FMNL2: variants seen among roughly 807,000 people sequenced by gnomAD.
FMNL2 encodes formin like 2, also known as formin-like protein 2.
FMNL2 carries 51 observed loss-of-function variants against 130.2 expected under a neutral mutation model. The ratio of observed to expected loss-of-function variants is 0.39; its 90% CI spans 0.31 to 0.49. The LOEUF is 0.49. Ranked by LOEUF, FMNL2 falls within the 20% of genes least tolerant of loss-of-function variation. The pLI is 0.85. For synonymous variants in FMNL2, 465 were observed against 467.1 expected (o/e 1.00, Z 0.06); for missense variants, 977 against 1,316.2 (o/e 0.74, Z 3.99).
At chr2:152,413,699 A>G (rs779391206) in intron 1 of FMNL2, among the ~76,000 whole-genome samples, 1 of 152,254 alleles carries the variant, frequency 6.6e-6, no homozygotes, top group African/African-American at 2.4e-5. Context: ...TAGCCCTAAC[A>G]GGGAGGAACA....
chr2:152,543,268 C>T (rs1184629730), intron 3 of FMNL2, among the ~76,000 whole-genome samples: 2 of 151,750 alleles, frequency 1.3e-5, no homozygotes, highest in South Asian at 2.1e-4. Context: ...CCCCCCTACT[C>T]CCCCCAACCC....
chr2:152,349,858 G>T (rs924526189), intron 1 of FMNL2, among the ~76,000 whole-genome samples: 1 of 151,012 alleles, frequency 6.6e-6, no homozygotes, highest in Non-Finnish European at 1.5e-5. Flanking sequence ...GTGCATTTTT[G>T]CTCCTTTGGT....
At chr2:152,407,121 G>A (rs1281957198) in intron 1 of FMNL2, among the ~76,000 whole-genome samples, 2 of 152,010 alleles carry the variant, frequency 1.3e-5, no homozygotes, top group African/African-American at 2.4e-5. Flanking sequence ...TAATTAATGA[G>A]TGTTTGTCAT....
chr2:152,636,601 G>C lies in FMNL2; in HGVS notation c.2844+11G>C. Reference sequence around the variant, plus strand: ...GCCAAGATCGCACAGGCAAGTATTGGTGCCCCTGAAACCTGTGAAGAGGCT... The same window carrying C: ...GCCAAGATCGCACAGGCAAGTATTGCTGCCCCTGAAACCTGTGAAGAGGCT... On this transcript the variant is annotated intron_variant, in intron 22 of 25. Transcript: ENST00000288670. 4 of 1,553,478 alleles carry C rather than the reference G, an allele frequency of 2.6e-6. No individual in the cohort carries two copies. The highest frequency in any genetic ancestry group is 3.5e-6 in the Non-Finnish European group (4 of 1,148,312).
chr2:152,593,900 T>TGA (rs1558992128), intron 9 of FMNL2, among the ~76,000 whole-genome samples: 86 of 80,844 alleles, frequency 1.1e-3, no homozygotes, highest in African/African-American at 3.7e-3. Context: ...TGTGTGTGTG[T>TGA]GTGAGAGAGA....
rs146158488 is a variant in FMNL2 at position 152,557,871 on chromosome 2, T to C, written c.360-869T>C. ...CGATAGTAGTAGATCTTTTAACTTA[T>C]TATTTGTTGGAGTTTGAAACTTAGT... On this transcript the variant is annotated intron_variant, in intron 4 of 25. Coordinates refer to ENST00000288670, the MANE Select transcript of FMNL2 (RefSeq NM_052905.4). Among the ~76,000 whole-genome samples the C allele has an allele frequency of 6.1e-3, 936 of 152,290 alleles. 10 individuals carry two copies. Among genetic ancestry groups the C allele is most frequent in the African/African-American group, 0.021 (890 of 41,562 alleles).
At chr2:152,402,696 G>A (rs1024761822) in intron 1 of FMNL2, among the ~76,000 whole-genome samples, 1 of 152,084 alleles carries the variant, frequency 6.6e-6, no homozygotes, top group Non-Finnish European at 1.5e-5. Flanking sequence ...TTTTGTTGTA[G>A]TATAGTTTCA....
At chr2:152,541,389 G>A (rs761597836) in intron 2 of FMNL2, among the ~76,000 whole-genome samples, 8 of 152,188 alleles carry the variant, frequency 5.3e-5, no homozygotes, top group Non-Finnish European at 1.2e-4. Flanking sequence ...ATTTCTTGAT[G>A]AATCTTTATT....
intron 1 of FMNL2, among the ~76,000 whole-genome samples, chr2:152,486,186 G>C (rs1690819931): frequency 6.6e-6 from 1 of 152,144 alleles, no homozygotes; most frequent in Admixed American, 6.5e-5. Context: ...TTTGGTATTT[G>C]CTCTCTTTCT....
chr2:152,412,682 C>T (rs950042043), intron 1 of FMNL2, among the ~76,000 whole-genome samples: 2 of 151,288 alleles, frequency 1.3e-5, no homozygotes, highest in Non-Finnish European at 2.9e-5. Flanking sequence ...GTTGTGTGCA[C>T]CTGTACTCCC....
chr2:152,513,080 A>G (rs952484184), intron 1 of FMNL2, among the ~76,000 whole-genome samples: 2 of 152,210 alleles, frequency 1.3e-5, no homozygotes, highest in African/African-American at 2.4e-5. Flanking sequence ...TATAATGGAT[A>G]CAGAAAAATG....
intron 1 of FMNL2, among the ~76,000 whole-genome samples, chr2:152,519,718 G>A (rs1692975618): frequency 6.6e-6 from 1 of 152,194 alleles, no homozygotes; most frequent in African/African-American, 2.4e-5. Context: ...GTTAAATGGA[G>A]AAGATTATGT....
At chr2:152,602,511 A>G (rs1486806137) in intron 9 of FMNL2, among the ~76,000 whole-genome samples, 1 of 152,132 alleles carries the variant, frequency 6.6e-6, no homozygotes, top group South Asian at 2.1e-4. Context: ...TGTAGCTCTT[A>G]AACTTTCTCC....
intron 1 of FMNL2, among the ~76,000 whole-genome samples, chr2:152,379,384 C>T (rs933248563): frequency 2.0e-5 from 3 of 152,158 alleles, no homozygotes; most frequent in Admixed American, 1.3e-4. Context: ...TTTAAAACTA[C>T]GGTGGTTTGT....
intron 2 of FMNL2, among the ~76,000 whole-genome samples, chr2:152,524,868 A>G (rs750936840): frequency 6.6e-6 from 1 of 152,130 alleles, no homozygotes; most frequent in Non-Finnish European, 1.5e-5. Context: ...CTTTTAGATC[A>G]TTTATATCTA....
At chr2:152,474,472 G>A (rs528640222) in intron 1 of FMNL2, among the ~76,000 whole-genome samples, 10 of 152,206 alleles carry the variant, frequency 6.6e-5, no homozygotes, top group African/African-American at 2.2e-4. Context: ...ATCACCTGAA[G>A]TCAGGAATTC....
intron 5 of FMNL2, among the ~76,000 whole-genome samples, chr2:152,559,566 A>G (rs539716775): frequency 8.5e-4 from 129 of 152,224 alleles, no homozygotes; most frequent in Non-Finnish European, 1.6e-3. Context: ...GGCCTCCCCA[A>G]AGTGTTGGGA....
intron 1 of FMNL2, among the ~76,000 whole-genome samples, chr2:152,384,701 G>T (rs1684686980): frequency 6.6e-6 from 1 of 152,154 alleles, no homozygotes; most frequent in South Asian, 2.1e-4. Context: ...GGGCATCTTG[G>T]GATTTAGGAA....
chr2:152,395,980 G>T (rs564566246), intron 1 of FMNL2, among the ~76,000 whole-genome samples: 2 of 152,348 alleles, frequency 1.3e-5, no homozygotes, highest in East Asian at 3.9e-4. Context: ...AAGAGCTGCT[G>T]TCTTTCGACA....
Sources: gnomAD v4.1 joint callset for allele counts (sites outside exome capture counted in the v4.1 genomes callset) on GRCh38, gnomAD v4.1.1 for gene constraint, MANE v1.5 for transcripts, NCBI Gene and HGNC (gene_info 2026-07-23, HGNC 2026-07-21) for gene names.